CNTNAP4: variants seen among roughly 807,000 people sequenced by gnomAD.
CNTNAP4 encodes the protein contactin associated protein family member 4, also known as contactin-associated protein-like 4.
A neutral mutation model predicts 148.4 loss-of-function variants in CNTNAP4; 98 were observed. The ratio of observed to expected loss-of-function variants is 0.66; its 90% CI spans 0.56 to 0.78. The LOEUF (loss-of-function observed/expected upper bound fraction) is 0.78. Among genes scored for constraint, CNTNAP4 ranks in the 30% least tolerant of loss-of-function variants. The probability of loss-of-function intolerance (pLI) is 0.00; values close to 1 mark genes in which losing one functional copy is unlikely to be tolerated. For missense variants in CNTNAP4, 1,935 were observed against 1,565.6 expected, an observed-to-expected ratio of 1.24 and a Z score of -3.98; for synonymous variants, 730 against 565.1, an observed-to-expected ratio of 1.29 and a Z score of -4.14.
intron 15 of CNTNAP4, among the ~76,000 whole-genome samples, chr16:76,514,776 A>G (rs1450497022): frequency 6.6e-6 from 1 of 151,774 alleles, no homozygotes; most frequent in East Asian, 1.9e-4. Flanking sequence ...GAACCAGTGA[A>G]TTATGAAACC....
At chr16:76,343,872 TC>T (rs1223139641) in intron 2 of CNTNAP4, among the ~76,000 whole-genome samples, 3 of 152,152 alleles carry the variant, frequency 2.0e-5, no homozygotes, top group Admixed American at 6.5e-5. Flanking sequence ...GACATAAACC[TC>T]ATAATAGCAA....
intron 3 of CNTNAP4, among the ~76,000 whole-genome samples, chr16:76,402,081 C>T (rs2078438970): frequency 6.6e-6 from 1 of 152,130 alleles, no homozygotes; most frequent in South Asian, 2.1e-4. Context: ...AGAAGTCCTT[C>T]CTCCTCAGTT....
intron 14 of CNTNAP4, 96 bp downstream of exon 14, chr16:76,495,162 G>A (rs2082359222): frequency 1.6e-6 from 2 of 1,234,992 alleles, no homozygotes; most frequent in Non-Finnish European, 2.3e-6. Flanking sequence ...GAACAAGTTA[G>A]TGCAATGAAG....
intron 2 of CNTNAP4, among the ~76,000 whole-genome samples, chr16:76,331,343 A>C (rs1445431030): frequency 6.6e-6 from 1 of 151,854 alleles, no homozygotes; most frequent in East Asian, 1.9e-4. Flanking sequence ...GCCCGCCACC[A>C]TGCTCGGCTA....
chr16:76,372,289 G>A lies in CNTNAP4; in HGVS notation c.390+16778G>A, dbSNP rs369242705. 7.3e-5 allele frequency among the ~76,000 whole-genome samples: 11 copies of A among 149,862 alleles called. No individual in the cohort carries two copies. The East Asian group carries it at 9.9e-4, about 13-fold the overall frequency. ...CGAGTACCTGGGACTACAGGCGCCCGCCACCAGGCCCAGCTAATTTTTTTT... is the reference window on the plus strand; with the variant it reads ...CGAGTACCTGGGACTACAGGCGCCCACCACCAGGCCCAGCTAATTTTTTTT... On this transcript the variant is annotated intron_variant, in intron 3 of 23. Transcript: ENST00000611870.
intron 15 of CNTNAP4, among the ~76,000 whole-genome samples, chr16:76,517,823 C>G (rs149361300): frequency 6.6e-6 from 1 of 152,152 alleles, no homozygotes; most frequent in Non-Finnish European, 1.5e-5. Flanking sequence ...TGCTCTCCCT[C>G]GATCGCTCCA....
chr16:76,346,432 T>TAAAAAAAAAAAAAAAAAAAAAAAAA (rs59482710), intron 2 of CNTNAP4, among the ~76,000 whole-genome samples: 2 of 123,772 alleles, frequency 1.6e-5, no homozygotes, highest in Non-Finnish European at 3.3e-5. Flanking sequence ...CTAGGGAAGA[T>TAAAAAAAAAAAAAAAAAAAAAAAAA]AAAAAAAAAA....
intron 3 of CNTNAP4, among the ~76,000 whole-genome samples, chr16:76,384,611 C>A (rs1484991059): frequency 1.3e-5 from 2 of 152,058 alleles, no homozygotes; most frequent in Non-Finnish European, 2.9e-5. Context: ...TGATTAATCT[C>A]CTTGGTACCT....
chr16:76,525,627 GTTTATAACTA>G (rs2083689855), intron 17 of CNTNAP4, among the ~76,000 whole-genome samples: 3 of 93,352 alleles, frequency 3.2e-5, no homozygotes, highest in Admixed American at 2.0e-4. Flanking sequence ...TTTATATGTA[GTTTATAACTA>G]CATATAAACT....
Position 76,479,996 on chromosome 16 carries a change from G to A in CNTNAP4, c.1882+458G>A, listed in dbSNP as rs2081756715. ...CTCAACAAATTACCAATAGAAGGAA[G>A]TTACCTTGTTTCGATAAAGACCAGA... On this transcript the variant is annotated intron_variant, in intron 12 of 23. Coordinates refer to ENST00000611870, the MANE Select transcript of CNTNAP4 (RefSeq NM_033401.5). 2.0e-5 allele frequency among the ~76,000 whole-genome samples: 3 copies of A among 152,072 alleles called. No individual in the cohort carries two copies. The South Asian group carries it at 6.2e-4, about 31-fold the overall frequency.
intron 17 of CNTNAP4, among the ~76,000 whole-genome samples, chr16:76,529,357 C>T (rs2083874671): frequency 6.6e-6 from 1 of 152,266 alleles, no homozygotes; most frequent in African/African-American, 2.4e-5. Context: ...GTATTGAACA[C>T]GTGCCCTTGA....
At chr16:76,384,071 T>C (rs2016268401) in intron 3 of CNTNAP4, among the ~76,000 whole-genome samples, 1 of 152,084 alleles carries the variant, frequency 6.6e-6, no homozygotes, top group African/African-American at 2.4e-5. Flanking sequence ...TGAGATGGAG[T>C]CTCGCCCTGT....
intron 2 of CNTNAP4, among the ~76,000 whole-genome samples, chr16:76,346,216 G>T (rs1282285143): frequency 6.6e-6 from 1 of 152,074 alleles, no homozygotes; most frequent in Non-Finnish European, 1.5e-5. Flanking sequence ...ACTAATTGGG[G>T]AAATATTAAA....
At chr16:76,289,936 A>G (rs1160311559) in intron 1 of CNTNAP4, among the ~76,000 whole-genome samples, 6 of 152,102 alleles carry the variant, frequency 3.9e-5, no homozygotes, top group Non-Finnish European at 7.4e-5. Context: ...CATCACTTGT[A>G]TTTAGATTCT....
At chr16:76,330,280 T>C (rs8053796) in intron 2 of CNTNAP4, among the ~76,000 whole-genome samples, 120,826 of 152,108 alleles carry the variant, frequency 0.79, 48,447 homozygotes, top group East Asian at 0.9. Context: ...TTCTGTGTAT[T>C]CATGGCCTGT....
At chr16:76,348,821 CTA>C (rs1261477813) in intron 2 of CNTNAP4, among the ~76,000 whole-genome samples, 9 of 147,702 alleles carry the variant, frequency 6.1e-5, no homozygotes, top group Admixed American at 6.1e-4. Flanking sequence ...TGATGTGGAC[CTA>C]TATTATTTGA....
At chr16:76,324,532 C>G (rs912540717) in intron 2 of CNTNAP4, among the ~76,000 whole-genome samples, 4 of 152,154 alleles carry the variant, frequency 2.6e-5, no homozygotes, top group Non-Finnish European at 5.9e-5. Context: ...CAAATAATTT[C>G]AGAAATCTCA....
intron 15 of CNTNAP4, among the ~76,000 whole-genome samples, chr16:76,500,629 T>A (rs2082597012): frequency 7.9e-5 from 12 of 151,614 alleles, no homozygotes; most frequent in Admixed American, 7.9e-4. Flanking sequence ...TGTGTGTGTG[T>A]GTGTGTGTGT....
chr16:76,424,995 G>C (rs1374888205), intron 3 of CNTNAP4, among the ~76,000 whole-genome samples: 1 of 152,006 alleles, frequency 6.6e-6, no homozygotes, highest in Non-Finnish European at 1.5e-5. Context: ...AGGTTGGGTG[G>C]GAATAAGATT....
Sources: allele counts gnomAD v4.1 joint callset (sites outside exome capture counted in the v4.1 genomes callset), GRCh38; gene constraint gnomAD v4.1.1; transcripts MANE v1.5; gene names NCBI Gene and HGNC (gene_info 2026-07-23, HGNC 2026-07-21).